CACNA2D1: variants seen among roughly 807,000 people sequenced by gnomAD.
CACNA2D1 encodes calcium voltage-gated channel auxiliary subunit alpha2delta 1.
Under a neutral mutation model 171.5 loss-of-function variants are expected in CACNA2D1, and 53 were observed. That is an observed-to-expected ratio of 0.31 (90% CI 0.25 to 0.39). The LOEUF is 0.39. Among genes scored for constraint, CACNA2D1 ranks in the 10% least tolerant of loss-of-function variants. The pLI is 1.00. For missense variants in CACNA2D1, 903 were observed against 1,299.8 expected (o/e 0.69, Z 4.69); for synonymous variants, 442 against 443.1 (o/e 1.00, Z 0.03).
intron 3 of CACNA2D1, among the ~76,000 whole-genome samples, chr7:82,304,517 G>T (rs931399266): frequency 6.6e-6 from 1 of 151,928 alleles, no homozygotes; most frequent in Non-Finnish European, 1.5e-5. Context: ...AATACTATTG[G>T]GCCACAAAAA....
At chr7:82,270,112 T>C (rs1318506598) in intron 3 of CACNA2D1, among the ~76,000 whole-genome samples, 2 of 152,176 alleles carry the variant, frequency 1.3e-5, no homozygotes, top group Non-Finnish European at 2.9e-5. Flanking sequence ...ATAACTTGGC[T>C]TTCTATCTAA....
chr7:82,116,999 G>T, intron 6 of CACNA2D1, 45 bp downstream of exon 6: 1 of 1,606,800 alleles, frequency 6.2e-7, no homozygotes, highest in South Asian at 1.1e-5. Flanking sequence ...CATAAGACAG[G>T]CGAGAGCATG....
At chr7:82,192,663 C>CTGGCAGA (rs1798457108) in intron 3 of CACNA2D1, among the ~76,000 whole-genome samples, 1 of 151,466 alleles carries the variant, frequency 6.6e-6, no homozygotes, top group Admixed American at 6.6e-5. Context: ...AGCCAACTGC[C>CTGGCAGA]TGGCAGATAA....
At chr7:82,136,918 G>C (rs537784250) in intron 4 of CACNA2D1, among the ~76,000 whole-genome samples, 116 of 151,874 alleles carry the variant, frequency 7.6e-4, no homozygotes, top group African/African-American at 2.7e-3. Flanking sequence ...CATTTGTCAA[G>C]AAAAAAATAA....
intron 3 of CACNA2D1, among the ~76,000 whole-genome samples, chr7:82,299,104 A>G (rs1043298710): frequency 1.3e-5 from 2 of 150,140 alleles, no homozygotes; most frequent in African/African-American, 4.9e-5. Context: ...ATACCAAGTC[A>G]TTTTTTACTC....
At chr7:81,959,454 A>C in intron 37 of CACNA2D1, 97 bp from the exon 38 acceptor site, 1 of 863,650 alleles carries the variant, frequency 1.2e-6, no homozygotes, top group South Asian at 1.4e-5. Context: ...TGAGAGAGAT[A>C]ACTTATACAT....
chr7:82,432,917 G>A (rs1047563919), intron 1 of CACNA2D1, among the ~76,000 whole-genome samples: 4 of 152,116 alleles, frequency 2.6e-5, no homozygotes, highest in East Asian at 1.9e-4. Flanking sequence ...TGGGTGTCGC[G>A]GCTCACGCCT....
At chr7:82,199,208 A>G (rs2107848) in intron 3 of CACNA2D1, among the ~76,000 whole-genome samples, 133,807 of 152,080 alleles carry the variant, frequency 0.88, 59,048 homozygotes, top group East Asian at 1. Flanking sequence ...TGCATTACTG[A>G]GTTAATTACA....
At chr7:82,030,826 G>C (rs918762779) in intron 12 of CACNA2D1, among the ~76,000 whole-genome samples, 5 of 151,780 alleles carry the variant, frequency 3.3e-5, no homozygotes, top group African/African-American at 1.2e-4. Context: ...GTAAATTTTT[G>C]AGATAGTACA....
At chr7:82,012,691 C>A (rs1289668233) in intron 14 of CACNA2D1, among the ~76,000 whole-genome samples, 2 of 151,990 alleles carry the variant, frequency 1.3e-5, no homozygotes, top group Non-Finnish European at 2.9e-5. Flanking sequence ...TTAAACACAT[C>A]AAAAAATAAA....
chr7:81,967,720 C>A, intron 29 of CACNA2D1, 57 bp from the exon 30 acceptor site: 1 of 788,892 alleles, frequency 1.3e-6, no homozygotes, highest in East Asian at 2.7e-5. Flanking sequence ...ACAACCTTTG[C>A]AATATGACAG....
rs1201202776 is a variant in CACNA2D1, at chr7:82,411,003, T to C, written c.95+32362A>G. Among the ~76,000 whole-genome samples the C allele has an allele frequency of 2.0e-5, 3 of 152,252 alleles. No homozygotes were observed. In the East Asian group the frequency reaches 5.8e-4, roughly 29 times the overall value. Reference sequence around the variant, plus strand: ...AGATATTTTTTCACATGTATTATTCTGGAAAACAAAATGTTTATTCCTTTA... The same window carrying C: ...AGATATTTTTTCACATGTATTATTCCGGAAAACAAAATGTTTATTCCTTTA... On this transcript the variant is annotated intron_variant, in intron 1 of 38. Coordinates refer to ENST00000356860, the MANE Select transcript of CACNA2D1 (RefSeq NM_000722.4).
intron 1 of CACNA2D1, among the ~76,000 whole-genome samples, chr7:82,405,847 A>T (rs572471861): frequency 3.9e-5 from 6 of 152,114 alleles, no homozygotes; most frequent in Non-Finnish European, 8.8e-5. Flanking sequence ...CCTGGCTCAG[A>T]AATCATAGCT....
chr7:82,196,629 G>T (rs1798880910), intron 3 of CACNA2D1, among the ~76,000 whole-genome samples: 1 of 152,040 alleles, frequency 6.6e-6, no homozygotes, highest in Non-Finnish European at 1.5e-5. Flanking sequence ...AGAAAACAGG[G>T]ACAGTTGATG....
chr7:82,169,888 GGATA>G (rs1219468352), intron 4 of CACNA2D1, among the ~76,000 whole-genome samples: 3 of 151,394 alleles, frequency 2.0e-5, no homozygotes, highest in Admixed American at 6.6e-5. Context: ...GGCTATAAGA[GGATA>G]GATAAATGAT....
chr7:82,093,443 T>G (rs1313187971), intron 6 of CACNA2D1, among the ~76,000 whole-genome samples: 4 of 152,156 alleles, frequency 2.6e-5, no homozygotes, highest in African/African-American at 9.7e-5. Context: ...TATGAGTGAC[T>G]AAAACCTAGT....
At chr7:82,404,608 A>C (rs1319116147) in intron 1 of CACNA2D1, among the ~76,000 whole-genome samples, 5 of 152,224 alleles carry the variant, frequency 3.3e-5, no homozygotes, top group Non-Finnish European at 7.3e-5. Flanking sequence ...TAATGCATTA[A>C]AGAATTTTGT....
At chr7:82,075,472 G>GC (rs1808854318) in intron 7 of CACNA2D1, among the ~76,000 whole-genome samples, 1 of 152,130 alleles carries the variant, frequency 6.6e-6, no homozygotes, top group African/African-American at 2.4e-5. Context: ...GTTCTATGAG[G>GC]CAAGTGTTGG....
intron 1 of CACNA2D1, among the ~76,000 whole-genome samples, chr7:82,379,360 C>T (rs937494807): frequency 3.3e-5 from 5 of 152,218 alleles, no homozygotes; most frequent in South Asian, 2.1e-4. Flanking sequence ...AAAAATGTTT[C>T]AAAGACAATC....
Sources: gnomAD v4.1 joint callset for allele counts (sites outside exome capture counted in the v4.1 genomes callset) on GRCh38, gnomAD v4.1.1 for gene constraint, MANE v1.5 for transcripts, NCBI Gene and HGNC (gene_info 2026-07-23, HGNC 2026-07-21) for gene names.